MED1: variants seen among roughly 807,000 people sequenced by gnomAD.
MED1 encodes the protein mediator of RNA polymerase II transcription subunit 1.
Under a neutral mutation model 121.3 loss-of-function variants are expected in MED1, and 17 were observed. That is an observed-to-expected ratio of 0.14 (90% CI 0.10 to 0.21). The LOEUF is 0.21. MED1 is among the 10% of genes least tolerant of loss of function. MED1 has a pLI of 1.00. For missense variants in MED1, 1,558 were observed against 1,919.4 expected, an observed-to-expected ratio of 0.81 and a Z score of 3.52; for synonymous variants, 661 against 694.4, an observed-to-expected ratio of 0.95 and a Z score of 0.76.
intron 1 of MED1, among the ~76,000 whole-genome samples, chr17:39,450,376 T>C (rs948112032): frequency 2.4e-4 from 36 of 152,186 alleles, no homozygotes; most frequent in Non-Finnish European, 1.5e-5. Flanking sequence ...TATACAAAAA[T>C]AATCAGGCAA....
chr17:39,418,311 A>C (rs72825178), intron 14 of MED1, among the ~76,000 whole-genome samples: 8,075 of 151,928 alleles, frequency 0.053, 235 homozygotes, highest in Non-Finnish European at 0.078. Flanking sequence ...GGCCTAGTCA[A>C]GAGGATCGCT....
chr17:39,446,278 G>A (rs371642034), intron 2 of MED1, among the ~76,000 whole-genome samples: 67 of 148,164 alleles, frequency 4.5e-4, no homozygotes, highest in Admixed American at 1.3e-3. Flanking sequence ...GTGAAACCCC[G>A]TCTCTACTAA....
chr17:39,434,589 C>G (rs1429230843), intron 6 of MED1, among the ~76,000 whole-genome samples: 1 of 152,168 alleles, frequency 6.6e-6, no homozygotes, highest in African/African-American at 2.4e-5. Flanking sequence ...AATCTCTTTA[C>G]CAGGTGTTTT....
intron 10 of MED1, among the ~76,000 whole-genome samples, chr17:39,427,167 T>C (rs944716421): frequency 6.6e-6 from 1 of 152,118 alleles, no homozygotes; most frequent in Non-Finnish European, 1.5e-5. Flanking sequence ...GCTCATTTAC[T>C]TATTTATTCA....
intron 14 of MED1, among the ~76,000 whole-genome samples, chr17:39,418,157 T>A (rs2048428162): frequency 6.6e-6 from 1 of 150,820 alleles, no homozygotes; most frequent in South Asian, 2.1e-4. Flanking sequence ...CTAAACCTTC[T>A]TAAAGCTGTA....
chr17:39,409,939 G>A lies in MED1; in HGVS notation c.2282C>T (p.Pro761Leu), dbSNP rs1484389352. Residue 761 changes from proline to leucine, a missense_variant, in exon 17 of 17, where the codon CCC becomes CTC. Around this residue, in one of 5 missense-constraint regions of MED1, gnomAD observed 793 missense variants for 898.2 expected, o/e 0.88. Coordinates refer to ENST00000300651, the MANE Select transcript of MED1 (RefSeq NM_004774.4). ...TAGTCGGACCATCCTTTGAATACTG[G>A]GTTGGGGGTGAGGTACTGGTTGTGG... ...TYPQPVPHPQPSIQRMVRLSS... is the reference protein window; with the variant it reads ...TYPQPVPHPQLSIQRMVRLSS... 6.2e-7 allele frequency: 1 copy of A among 1,614,054 alleles called. No individual in the cohort carries two copies. Among genetic ancestry groups the A allele is most frequent in the East Asian group, 2.2e-5 (1 of 44,898 alleles).
At position 39,427,766 on chromosome 17, in the gene MED1, T is replaced by A; in HGVS notation, c.674A>T (p.Tyr225Phe). ...ATCCAGTAGGTCAGAAGGAGAGACA[T>A]AGTACTTCAGGTTCATTAAATGACC... ...SGGHLMNLKY[Y>F]VSPSDLLDDK... The change falls in exon 10 of 17, where the codon TAT becomes TTT. Residue 225 changes from tyrosine to phenylalanine, a missense_variant. By Grantham distance (22) the Tyr-to-Phe change is conservative. This residue lies in a region of MED1 where 443 missense variants were observed against 532.4 expected (regional missense o/e 0.83). Transcript: ENST00000300651. The A allele has an allele frequency of 6.2e-7, 1 of 1,601,888 alleles. No homozygotes were observed. Among genetic ancestry groups the A allele is most frequent in the Non-Finnish European group, 8.5e-7 (1 of 1,169,850 alleles).
Position 39,432,057 on chromosome 17 carries a change from A to C in MED1, c.501-41T>G, listed in dbSNP as rs1370743458. ...GAAGAACATGAGTTAATAGTTGAAA[A>C]ATATGACCAAGCGGGGTGGCTCAGC... On this transcript the variant is annotated intron_variant, in intron 7 of 16. Coordinates refer to ENST00000300651, the MANE Select transcript of MED1 (RefSeq NM_004774.4). 3 of 1,470,930 alleles carry C rather than the reference A, an allele frequency of 2.0e-6. No homozygotes were observed. In the Admixed American group the frequency reaches 5.1e-5, roughly 25 times the overall value. 91.1% of individuals were successfully genotyped at this position (1,470,930 alleles called of 1,614,324 possible).
chr17:39,419,616 T>C lies in MED1; in HGVS notation c.1297+101A>G, dbSNP rs886748161. The C allele has an allele frequency of 2.0e-5, 26 of 1,279,952 alleles. 1 individual carries two copies. Among genetic ancestry groups the C allele is most frequent in the Admixed American group, 1.2e-4 (5 of 42,944 alleles). 79.3% of individuals were successfully genotyped at this position (1,279,952 alleles called of 1,614,324 possible). A position where few individuals can be genotyped will look rare whatever the true frequency, so the allele number is the denominator to read the frequency against. On this transcript the variant is annotated intron_variant, in intron 14 of 16. Coordinates refer to ENST00000300651, the MANE Select transcript of MED1 (RefSeq NM_004774.4). ...GCCAAATATGAAAAAAAAAAAACTT[T>C]TTTTAAGTTCTACAGGTGATTCTGA... is the stretch of plus-strand genomic sequence containing the variant.
At chr17:39,411,362 T>G (rs1215747391) in intron 16 of MED1, among the ~76,000 whole-genome samples, 1 of 152,130 alleles carries the variant, frequency 6.6e-6, no homozygotes, top group Non-Finnish European at 1.5e-5. Flanking sequence ...GGCTCACTCC[T>G]GCAATCCCAG....
At chr17:39,444,094 G>C (rs2048704153) in intron 2 of MED1, among the ~76,000 whole-genome samples, 1 of 152,130 alleles carries the variant, frequency 6.6e-6, no homozygotes, top group African/African-American at 2.4e-5. Context: ...CACATGCTAA[G>C]ATATAAACAG....
At chr17:39,443,495 CCTT>C in intron 3 of MED1, 52 bp downstream of exon 3, 9 of 1,474,794 alleles carry the variant, frequency 6.1e-6, no homozygotes. Flanking sequence ...ATAAAATGGT[CCTT>C]CTTGAACTGG....
intron 9 of MED1, among the ~76,000 whole-genome samples, chr17:39,429,717 A>AC (rs1200274507): frequency 6.6e-6 from 1 of 150,502 alleles, no homozygotes; most frequent in Non-Finnish European, 1.5e-5. Flanking sequence ...AAAAAAAAAA[A>AC]AAAAAAAAAA....
At chr17:39,430,152 A>T (rs2048552267) in intron 9 of MED1, among the ~76,000 whole-genome samples, 2 of 152,130 alleles carry the variant, frequency 1.3e-5, no homozygotes, top group South Asian at 4.1e-4. Flanking sequence ...TGGGCAGCCG[A>T]GGAGGGAGGA....
At chr17:39,427,529 G>T in intron 10 of MED1, 172 bp downstream of exon 10, 2 of 533,124 alleles carry the variant, frequency 3.8e-6, no homozygotes, top group Non-Finnish European at 6.7e-6. Context: ...ATATGCATGT[G>T]TGTATATACA....
chr17:39,443,623 C>T lies in MED1; in HGVS notation c.138G>A (p.Lys46=). ...GCCCTCCAGAACTCATCACAACCCTCTTCTCCTGTGTCAAGTGGGAAAACA... is the reference window on the plus strand; with the variant it reads ...GCCCTCCAGAACTCATCACAACCCTTTTCTCCTGTGTCAAGTGGGAAAACA... The part of the protein sequence containing the change: ...TIKLVRQVME[K]RVVMSSGGHQ... The change falls in exon 3 of 17, where the codon AAG becomes AAA. Residue 46 remains lysine (K), a synonymous_variant. Coordinates refer to ENST00000300651, the MANE Select transcript of MED1 (RefSeq NM_004774.4). 6.2e-7 allele frequency: 1 copy of T among 1,613,724 alleles called. No homozygotes were observed.
intron 14 of MED1, among the ~76,000 whole-genome samples, chr17:39,416,394 A>G (rs1050277137): frequency 2.6e-5 from 4 of 152,162 alleles, no homozygotes; most frequent in Non-Finnish European, 5.9e-5. Flanking sequence ...TATAATCTAA[A>G]ATAATGTATT....
chr17:39,420,054 T>C, intron 13 of MED1, 136 bp from the exon 14 acceptor site: 1 of 669,682 alleles, frequency 1.5e-6, no homozygotes. Flanking sequence ...GCTGATATTA[T>C]AAATGTCAAT....
intron 10 of MED1, among the ~76,000 whole-genome samples, chr17:39,426,908 A>G (rs1040427404): frequency 1.3e-5 from 2 of 150,864 alleles, no homozygotes; most frequent in African/African-American, 4.9e-5. Flanking sequence ...TCTTTAATTT[A>G]GAAAACTTCA....
Sources: gnomAD v4.1 joint callset for allele counts (sites outside exome capture counted in the v4.1 genomes callset) on GRCh38, gnomAD v4.1.1 for gene constraint, gnomAD v4.1.1 regional missense constraint, MANE v1.5 for transcripts, NCBI Gene and HGNC (gene_info 2026-07-23, HGNC 2026-07-21) for gene names.